The following LRRTM4 variants were observed in gnomAD, a reference collection of about 807,000 sequenced individuals.
LRRTM4 encodes leucine-rich repeat transmembrane neuronal protein 4.
A neutral mutation model predicts 47.6 loss-of-function variants in LRRTM4; 25 were observed. The ratio of observed to expected loss-of-function variants is 0.53; its 90% CI spans 0.38 to 0.73. The LOEUF is 0.73. LRRTM4 is among the 30% of genes least tolerant of loss of function. LRRTM4 has a pLI of 0.00. For missense variants in LRRTM4, 638 were observed against 713.4 expected (o/e 0.89, Z 1.20); for synonymous variants, 311 against 269.5 (o/e 1.15, Z -1.51).
chr2:77,126,956 T>A (rs1671666398), intron 3 of LRRTM4, among the ~76,000 whole-genome samples: 1 of 152,106 alleles, frequency 6.6e-6, no homozygotes, highest in African/African-American at 2.4e-5. Flanking sequence ...TTGTGAAAGG[T>A]CCTGGAATTT....
At position 76,993,070 on chromosome 2, in the gene LRRTM4, T is replaced by C. The variant is rs1179004087; in HGVS notation, c.1552-244154A>G. On this transcript the variant is annotated intron_variant, in intron 3 of 3. Coordinates refer to ENST00000409884, the MANE Select transcript of LRRTM4 (RefSeq NM_001134745.3). ...GGTGCTTGGATACCTGGCTAATCTGTCTGAAAGAATAAAACTGGACCCTTA... is the reference window on the plus strand; with the variant it reads ...GGTGCTTGGATACCTGGCTAATCTGCCTGAAAGAATAAAACTGGACCCTTA... Among the ~76,000 whole-genome samples, 8 of 151,700 alleles carry C rather than the reference T, an allele frequency of 5.3e-5. No individual in the cohort carries two copies. The Admixed American group carries it at 5.3e-4, about 10-fold the overall frequency.
At chr2:76,877,846 G>A (rs1255881515) in intron 3 of LRRTM4, among the ~76,000 whole-genome samples, 1 of 152,116 alleles carries the variant, frequency 6.6e-6, no homozygotes, top group East Asian at 1.9e-4. Flanking sequence ...TAGTGTATCA[G>A]TGAAGCAAAC....
chr2:77,077,362 A>T (rs1410220456), intron 3 of LRRTM4, among the ~76,000 whole-genome samples: 3 of 152,178 alleles, frequency 2.0e-5, no homozygotes, highest in Non-Finnish European at 2.9e-5. Flanking sequence ...TTCCCAGTCT[A>T]GGAACATGGT....
intron 3 of LRRTM4, among the ~76,000 whole-genome samples, chr2:77,036,840 C>A (rs1049078900): frequency 7.9e-5 from 12 of 151,736 alleles, no homozygotes; most frequent in African/African-American, 2.7e-4. Context: ...ATAAGCGTCC[C>A]AACCCAACTT....
At chr2:77,116,669 A>T (rs2103946896) in intron 3 of LRRTM4, among the ~76,000 whole-genome samples, 1 of 152,230 alleles carries the variant, frequency 6.6e-6, no homozygotes, top group South Asian at 2.1e-4. Context: ...GCCTGACAAG[A>T]TTCAGCACTC....
At chr2:77,253,332 A>G (rs1675673957) in intron 3 of LRRTM4, among the ~76,000 whole-genome samples, 1 of 152,114 alleles carries the variant, frequency 6.6e-6, no homozygotes, top group South Asian at 2.1e-4. Context: ...TCAGGAATTT[A>G]CCACCACTCA....
intron 3 of LRRTM4, among the ~76,000 whole-genome samples, chr2:77,149,937 A>G (rs1463813687): frequency 6.6e-6 from 1 of 152,158 alleles, no homozygotes; most frequent in Non-Finnish European, 1.5e-5. Flanking sequence ...CTGACTTAAT[A>G]AAGATAATCA....
chr2:76,976,425 C>T (rs1300886487), intron 3 of LRRTM4, among the ~76,000 whole-genome samples: 1 of 151,472 alleles, frequency 6.6e-6, no homozygotes, highest in Non-Finnish European at 1.5e-5. Context: ...AAAAAATAAA[C>T]CAAAACCACA....
chr2:77,194,083 G>T (rs181261405), intron 3 of LRRTM4, among the ~76,000 whole-genome samples: 1 of 152,232 alleles, frequency 6.6e-6, no homozygotes, highest in Admixed American at 6.5e-5. Flanking sequence ...GAAACATAAC[G>T]GAATGCTTCC....
intron 3 of LRRTM4, among the ~76,000 whole-genome samples, chr2:77,042,462 C>T (rs1679066596): frequency 6.6e-6 from 1 of 151,444 alleles, no homozygotes; most frequent in South Asian, 2.1e-4. Context: ...ATAAAATTTA[C>T]TTTGATGTAT....
intron 3 of LRRTM4, among the ~76,000 whole-genome samples, chr2:77,130,911 T>G (rs1300586223): frequency 1.6e-5 from 2 of 122,442 alleles, no homozygotes; most frequent in Non-Finnish European, 3.2e-5. Flanking sequence ...CTTGGCTCAC[T>G]GCAAGCTCCG....
chr2:77,430,557 A>G (rs967210825), intron 3 of LRRTM4, among the ~76,000 whole-genome samples: 1 of 149,904 alleles, frequency 6.7e-6, no homozygotes, highest in Non-Finnish European at 1.5e-5. Context: ...CCCTGTCTCT[A>G]CTAAAAATAC....
chr2:76,776,348 G>T (rs1673993592), intron 3 of LRRTM4, among the ~76,000 whole-genome samples: 1 of 152,230 alleles, frequency 6.6e-6, no homozygotes. Context: ...CTTCCACAAT[G>T]GTTGAACTAG....
chr2:77,171,733 AAGTT>A (rs1207873099), intron 3 of LRRTM4, among the ~76,000 whole-genome samples: 1 of 152,188 alleles, frequency 6.6e-6, no homozygotes, highest in South Asian at 2.1e-4. Context: ...ATAATTGTCT[AAGTT>A]AGTATTTCAA....
chr2:77,020,130 AAGAG>A (rs747688920), intron 3 of LRRTM4, among the ~76,000 whole-genome samples: 4 of 152,120 alleles, frequency 2.6e-5, no homozygotes, highest in Non-Finnish European at 5.9e-5. Context: ...AAGGTACAGG[AAGAG>A]AAAGATGAAG....
At chr2:76,779,408 AG>A (rs1488434002) in intron 3 of LRRTM4, among the ~76,000 whole-genome samples, 1 of 150,470 alleles carries the variant, frequency 6.6e-6, no homozygotes, top group African/African-American at 2.5e-5. Context: ...GTCTCTTTGT[AG>A]GTCGCTCAGG....
chr2:77,203,552 TA>T (rs1471338436), intron 3 of LRRTM4, among the ~76,000 whole-genome samples: 2 of 152,062 alleles, frequency 1.3e-5, no homozygotes, highest in Non-Finnish European at 2.9e-5. Context: ...ACTGTGAAGG[TA>T]AAAACTCAAG....
At position 76,799,534 on chromosome 2, in the gene LRRTM4, A is replaced by G. The variant is rs1288838211; in HGVS notation, c.1552-50618T>C. Among the ~76,000 whole-genome samples the G allele has an allele frequency of 2.4e-3, 342 of 143,984 alleles. 11 individuals are homozygous for G. The highest frequency in any genetic ancestry group is 8.4e-3 in the African/African-American group (327 of 38,946). The allele number at this position is 143,984 out of a possible 152,430, so 94.5% of individuals were successfully genotyped here. A position where few individuals can be genotyped will look rare whatever the true frequency, so the allele number is the denominator to read the frequency against. On this transcript the variant is annotated intron_variant, in intron 3 of 3. Transcript: ENST00000409884. ...AAAACTGCAAGCATTCCCTTTGAAAACTGGCACAAGACAGGGATGCCCTCT... is the reference window on the plus strand; with the variant it reads ...AAAACTGCAAGCATTCCCTTTGAAAGCTGGCACAAGACAGGGATGCCCTCT...
chr2:77,002,358 A>C (rs180915691), intron 3 of LRRTM4, among the ~76,000 whole-genome samples: 2 of 152,274 alleles, frequency 1.3e-5, no homozygotes, highest in East Asian at 3.9e-4. Context: ...CATGTGGTAG[A>C]TGCCCAATTC....
Sources: allele counts gnomAD v4.1 joint callset (sites outside exome capture counted in the v4.1 genomes callset), GRCh38; gene constraint gnomAD v4.1.1; transcripts MANE v1.5; gene names NCBI Gene and HGNC (gene_info 2026-07-23, HGNC 2026-07-21).